CPQ: variants seen among roughly 807,000 people sequenced by gnomAD.
The protein encoded by CPQ is Ser-Met dipeptidase.
In CPQ, 37 loss-of-function variants were observed where a neutral mutation model predicts 45.7. That is an observed-to-expected ratio of 0.81 (90% confidence interval 0.62 to 1.07). The LOEUF (loss-of-function observed/expected upper bound fraction) is 1.07, where lower values mean the gene tolerates loss of function less well. Among genes scored for constraint, CPQ ranks in the 50% least tolerant of loss-of-function variants. CPQ has a pLI of 0.00. For synonymous variants in CPQ, 186 were observed against 205.8 expected (o/e 0.90, Z 0.82); for missense variants, 537 against 572.9 (o/e 0.94, Z 0.64).
At chr8:96,865,359 G>T (rs1453909559) in intron 3 of CPQ, among the ~76,000 whole-genome samples, 1 of 151,996 alleles carries the variant, frequency 6.6e-6, no homozygotes, top group East Asian at 1.9e-4. Flanking sequence ...CACCACAGTG[G>T]GCTGTCTCTG....
intron 4 of CPQ, among the ~76,000 whole-genome samples, chr8:96,917,878 G>C (rs146051059): frequency 6.6e-6 from 1 of 152,048 alleles, no homozygotes; most frequent in African/African-American, 2.4e-5. Context: ...TCATTGTCCA[G>C]TTCCAGCATA....
chr8:97,071,751 G>A (rs772322858), intron 7 of CPQ, among the ~76,000 whole-genome samples: 1 of 152,194 alleles, frequency 6.6e-6, no homozygotes, highest in Non-Finnish European at 1.5e-5. Flanking sequence ...AGAAGACCCA[G>A]TCAGAATGGC....
At chr8:96,882,671 A>C (rs569818029) in intron 4 of CPQ, among the ~76,000 whole-genome samples, 1 of 152,170 alleles carries the variant, frequency 6.6e-6, no homozygotes, top group Admixed American at 6.5e-5. Flanking sequence ...GGGCTGAGAT[A>C]GTGCTGGCTC....
intron 4 of CPQ, among the ~76,000 whole-genome samples, chr8:96,930,780 C>T (rs1294396404): frequency 1.3e-5 from 2 of 152,152 alleles, no homozygotes; most frequent in Non-Finnish European, 2.9e-5. Flanking sequence ...TAAGGAAAAA[C>T]TTTTGATGGG....
chr8:96,974,458 G>A (rs112752163), intron 5 of CPQ, among the ~76,000 whole-genome samples: 17 of 151,998 alleles, frequency 1.1e-4, no homozygotes, highest in African/African-American at 3.9e-4. Context: ...CACTAAACAG[G>A]TCATCAAGAC....
rs6999486 is a variant in CPQ at position 96,708,341 on chromosome 8, A to C, written c.-35+62939A>C. Among the ~76,000 whole-genome samples, 305 of 151,916 alleles carry C rather than the reference A, an allele frequency of 2.0e-3. 1 individual carries two copies. The highest frequency in any genetic ancestry group is 7.0e-3 in the African/African-American group (290 of 41,438). On this transcript the variant is annotated intron_variant, in intron 1 of 7. Coordinates refer to ENST00000220763, the MANE Select transcript of CPQ (RefSeq NM_016134.4). ...TAGGTTCCAAGAATTAAGACTGGAT[A>C]TTTTTGTGTGGGCCATTATTCTGCC... is the stretch of plus-strand genomic sequence containing the variant.
At position 96,645,768 on chromosome 8, in the gene CPQ, C is replaced by G. The variant is rs547841605; in HGVS notation, c.-35+366C>G. On this transcript the variant is annotated intron_variant, in intron 1 of 7. Transcript: ENST00000220763. ...CAGCCCCAAGCCGCCCCCTTCATCC[C>G]CCATCTGCAAACAATCCTGGTCCCC... Among the ~76,000 whole-genome samples the G allele has an allele frequency of 2.6e-5, 4 of 151,834 alleles. No individual in the cohort carries two copies. In the East Asian group the frequency reaches 5.8e-4, roughly 22 times the overall value.
intron 1 of CPQ, among the ~76,000 whole-genome samples, chr8:96,780,938 T>C (rs1040289557): frequency 6.6e-6 from 1 of 152,090 alleles, no homozygotes; most frequent in Non-Finnish European, 1.5e-5. Context: ...AAAATCTGTG[T>C]GCTCTAGAGG....
At chr8:96,707,021 A>G (rs536943519) in intron 1 of CPQ, among the ~76,000 whole-genome samples, 36 of 152,232 alleles carry the variant, frequency 2.4e-4, no homozygotes, top group African/African-American at 7.9e-4. Flanking sequence ...AATTTATTTG[A>G]TTTAGTTATA....
intron 7 of CPQ, among the ~76,000 whole-genome samples, chr8:97,067,512 C>T (rs987888702): frequency 6.6e-6 from 1 of 152,158 alleles, no homozygotes. Flanking sequence ...TGGACCTACT[C>T]CACTCCAGAT....
chr8:96,812,713 G>C (rs367738580), intron 2 of CPQ, among the ~76,000 whole-genome samples: 2 of 151,906 alleles, frequency 1.3e-5, no homozygotes, highest in African/African-American at 4.8e-5. Flanking sequence ...ATCCTGGAGC[G>C]GCAGGCTTCA....
At chr8:96,888,575 GT>G (rs760810095) in intron 4 of CPQ, among the ~76,000 whole-genome samples, 1 of 152,116 alleles carries the variant, frequency 6.6e-6, no homozygotes, top group Non-Finnish European at 1.5e-5. Context: ...TTGCTGTTTT[GT>G]TTTGTTTTTA....
chr8:96,879,512 A>G (rs1386743218), intron 3 of CPQ, among the ~76,000 whole-genome samples: 2 of 152,224 alleles, frequency 1.3e-5, no homozygotes, highest in Non-Finnish European at 2.9e-5. Context: ...TGAAGGCACT[A>G]TTAATGTCCT....
chr8:97,132,605 T>A (rs1811975631), intron 7 of CPQ, among the ~76,000 whole-genome samples: 1 of 152,170 alleles, frequency 6.6e-6, no homozygotes, highest in African/African-American at 2.4e-5. Flanking sequence ...AATCTGTCCA[T>A]TTGAACATGA....
rs1432664796 is a variant in CPQ, at chr8:97,100,128, T to C, written c.1255+33918T>C. Among the ~76,000 whole-genome samples the C allele has an allele frequency of 2.0e-5, 3 of 152,202 alleles. No homozygotes were observed. The East Asian group carries it at 5.8e-4, about 29-fold the overall frequency. ...GAACACTAAAAGTGGGAACCCCAAC[T>C]GGAACATAAGTTCCACGAGAGGCAG... On this transcript the variant is annotated intron_variant, in intron 7 of 7. Transcript: ENST00000220763.
At chr8:97,101,710 C>A (rs987590314) in intron 7 of CPQ, among the ~76,000 whole-genome samples, 1 of 151,226 alleles carries the variant, frequency 6.6e-6, no homozygotes, top group African/African-American at 2.4e-5. Flanking sequence ...CAAAATGGAA[C>A]CTACTTACTA....
chr8:96,649,664 G>T (rs1005599850), intron 1 of CPQ, among the ~76,000 whole-genome samples: 27 of 152,266 alleles, frequency 1.8e-4, no homozygotes, highest in Admixed American at 8.5e-4. Flanking sequence ...GGAACATCTG[G>T]GTGGAGATCC....
intron 4 of CPQ, among the ~76,000 whole-genome samples, chr8:96,939,541 A>G (rs1196794291): frequency 2.0e-5 from 3 of 152,228 alleles, no homozygotes; most frequent in Non-Finnish European, 2.9e-5. Context: ...AATATATTAT[A>G]TAGTTACTTT....
intron 2 of CPQ, among the ~76,000 whole-genome samples, chr8:96,791,793 TG>T (rs1003405790): frequency 5.3e-5 from 8 of 152,294 alleles, no homozygotes; most frequent in African/African-American, 1.9e-4. Flanking sequence ...CTTCTCACTT[TG>T]GCTTACCACT....
Sources: allele counts gnomAD v4.1 joint callset (sites outside exome capture counted in the v4.1 genomes callset), GRCh38; gene constraint gnomAD v4.1.1; transcripts MANE v1.5; gene names NCBI Gene and HGNC (gene_info 2026-07-23, HGNC 2026-07-21).